The following ST3GAL3 variants were observed in gnomAD, a reference collection of about 807,000 sequenced individuals.
The protein encoded by ST3GAL3 is ST3 beta-galactoside alpha-2,3-sialyltransferase 3.
A neutral mutation model predicts 50.1 loss-of-function variants in ST3GAL3; 21 were observed. The ratio of observed to expected loss-of-function variants is 0.42; its 90% CI spans 0.30 to 0.60. ST3GAL3 has a LOEUF of 0.60. Among genes scored for constraint, ST3GAL3 ranks in the 20% least tolerant of loss-of-function variants. ST3GAL3 has a pLI of 0.19. For synonymous variants in ST3GAL3, 183 were observed against 190.0 expected (o/e 0.96, Z 0.30); for missense variants, 353 against 489.4 (o/e 0.72, Z 2.63).
At chr1:43,841,843 A>G (rs931872254) in intron 5 of ST3GAL3, 4 of 152,126 alleles carry the variant, frequency 2.6e-5, no homozygotes, top group Admixed American at 6.5e-5. Flanking sequence ...AATTTTCCCA[A>G]TTTTTATGCT....
intron 1 of ST3GAL3, among the ~76,000 whole-genome samples, chr1:43,726,735 C>T (rs777332206): frequency 4.6e-5 from 7 of 152,206 alleles, no homozygotes; most frequent in Non-Finnish European, 8.8e-5. Context: ...GCTGAGATTA[C>T]AGGTGGGTGC....
chr1:43,800,015 C>T (rs2059139467), intron 3 of ST3GAL3, among the ~76,000 whole-genome samples: 1 of 152,104 alleles, frequency 6.6e-6, no homozygotes, highest in Admixed American at 6.5e-5. Flanking sequence ...GCTTCCAGGG[C>T]TCCTTCTGTA....
At chr1:43,819,893 AT>A (rs1452603466) in intron 4 of ST3GAL3, among the ~76,000 whole-genome samples, 3 of 152,252 alleles carry the variant, frequency 2.0e-5, no homozygotes, top group Admixed American at 6.5e-5. Context: ...TTCTGTGTTA[AT>A]TTGTTTAGGG....
intron 11 of ST3GAL3, chr1:43,922,306 A>C (rs989467400): frequency 6.6e-6 from 1 of 152,310 alleles, no homozygotes. Context: ...GTTCAAGACC[A>C]GCCTGGCCAA....
intron 4 of ST3GAL3, among the ~76,000 whole-genome samples, chr1:43,831,362 G>A (rs889161875): frequency 1.1e-4 from 16 of 152,238 alleles, no homozygotes; most frequent in African/African-American, 3.9e-4. Flanking sequence ...ATGGGTCCAT[G>A]TATGATATAT....
intron 2 of ST3GAL3, chr1:43,743,335 TA>T: frequency 5.3e-6 from 1 of 188,868 alleles, no homozygotes; most frequent in Non-Finnish European, 1.1e-5. Flanking sequence ...AATCTAAAAA[TA>T]AGGAGAGGCT....
At position 43,931,149 on chromosome 1, in the gene ST3GAL3, C is replaced by G. The variant is rs1027438469; in HGVS notation, c.*928C>G. 2.0e-5 allele frequency: 3 copies of G among 152,738 alleles called. No homozygotes were observed. Among genetic ancestry groups the G allele is most frequent in the Non-Finnish European group, 2.9e-5 (2 of 68,108 alleles). 9.5% of individuals were successfully genotyped at this position (152,738 alleles called of 1,614,324 possible). ...GGCCACCCCCATGGAAGCAATAAAG[C>G]TCTTCCCTGAGCCTGGCCTCTTTTT... On this transcript the variant is annotated 3_prime_UTR_variant, in exon 12 of 12. Coordinates refer to ENST00000347631, the MANE Select transcript of ST3GAL3 (RefSeq NM_006279.5).
chr1:43,775,287 G>GCACT (rs1350219620), intron 2 of ST3GAL3, among the ~76,000 whole-genome samples: 1 of 151,164 alleles, frequency 6.6e-6, no homozygotes, highest in Non-Finnish European at 1.5e-5. Flanking sequence ...AGGCTGGAGT[G>GCACT]GAATGGTATG....
chr1:43,853,335 A>G (rs2906468), intron 5 of ST3GAL3, among the ~76,000 whole-genome samples: 91,453 of 152,088 alleles, frequency 0.6, 31,446 homozygotes, highest in Non-Finnish European at 0.78. Context: ...ATCAGGTCCC[A>G]TGCTGAGATT....
intron 2 of ST3GAL3, among the ~76,000 whole-genome samples, chr1:43,770,285 T>C (rs1263956181): frequency 3.6e-5 from 4 of 112,142 alleles, no homozygotes; most frequent in Non-Finnish European, 7.4e-5. Context: ...GAGAGGGGAA[T>C]GAGTAGGGGA....
At chr1:43,909,343 C>T (rs1302450686) in intron 9 of ST3GAL3, among the ~76,000 whole-genome samples, 2 of 152,222 alleles carry the variant, frequency 1.3e-5, no homozygotes, top group African/African-American at 4.8e-5. Flanking sequence ...CAGGGCATCT[C>T]TTTCCTCTTA....
intron 3 of ST3GAL3, among the ~76,000 whole-genome samples, chr1:43,803,439 G>C (rs1195644837): frequency 6.6e-6 from 1 of 151,772 alleles, no homozygotes; most frequent in Admixed American, 6.6e-5. Context: ...ATGTCTGTTA[G>C]TTTAAATTTA....
intron 5 of ST3GAL3, among the ~76,000 whole-genome samples, chr1:43,871,239 G>A (rs1169834383): frequency 1.3e-5 from 2 of 152,210 alleles, no homozygotes; most frequent in Admixed American, 1.3e-4. Context: ...TTGGAATGAG[G>A]TGGCCAAAGT....
intron 9 of ST3GAL3, among the ~76,000 whole-genome samples, chr1:43,908,583 A>G (rs1383851208): frequency 6.7e-6 from 1 of 150,294 alleles, no homozygotes; most frequent in African/African-American, 2.5e-5. Flanking sequence ...ACAGCACAGA[A>G]CTCCATGATC....
chr1:43,793,853 C>T lies in ST3GAL3; in HGVS notation c.166+1704C>T, dbSNP rs138009846. Among the ~76,000 whole-genome samples the T allele has an allele frequency of 5.0e-3, 761 of 152,196 alleles. 4 individuals carry two copies. The highest frequency in any genetic ancestry group is 0.017 in the African/African-American group (688 of 41,526). ...ATCTCAGCACTTTGGGAGGCTGAGA[C>T]AGGAGGACAGCTTGAGGCCAGGAAT... On this transcript the variant is annotated intron_variant, in intron 3 of 11. Transcript: ENST00000347631.
chr1:43,726,699 A>T (rs1331387167), intron 1 of ST3GAL3, among the ~76,000 whole-genome samples: 1 of 152,164 alleles, frequency 6.6e-6, no homozygotes, highest in Non-Finnish European at 1.5e-5. Flanking sequence ...AGTTCAAGCA[A>T]TTCTTCTGCC....
intron 5 of ST3GAL3, among the ~76,000 whole-genome samples, chr1:43,883,445 A>G (rs2075483266): frequency 6.6e-6 from 1 of 152,264 alleles, no homozygotes; most frequent in South Asian, 2.1e-4. Flanking sequence ...ACGTGCCAAC[A>G]AGAAAGAGCA....
Position 43,856,080 on chromosome 1 carries a change from AC to A in ST3GAL3, c.302+17770del, listed in dbSNP as rs77426375. 4.6e-5 allele frequency among the ~76,000 whole-genome samples: 7 copies of A among 152,362 alleles called. No individual in the cohort carries two copies. The East Asian group carries it at 1.3e-3, about 29-fold the overall frequency. On this transcript the variant is annotated intron_variant, in intron 5 of 11. Coordinates refer to ENST00000347631, the MANE Select transcript of ST3GAL3 (RefSeq NM_006279.5). ...TGTGACAGACATCTGAAATACCATG[AC>A]TGATCTCGTCACATTCTTTTATCAA...
rs904764707 is a variant in ST3GAL3, at chr1:43,736,353, C to T, written c.91C>T (p.His31Tyr). The change falls in exon 2 of 12, where the codon CAC (histidine) becomes TAC (tyrosine). Residue 31 changes from histidine to tyrosine, a missense_variant. Transcript: ENST00000347631. Reference sequence around the variant, plus strand: ...TTTGTATTATTCTGCGTGGAAGCTACACTTACTCCAGTGGGAGGAGGACTC... The same window carrying T: ...TTTGTATTATTCTGCGTGGAAGCTATACTTACTCCAGTGGGAGGAGGACTC... ...GFLYYSAWKL[H>Y]LLQWEEDSNS... 3 of 1,614,162 alleles carry T rather than the reference C, an allele frequency of 1.9e-6. No homozygotes were observed. The highest frequency in any genetic ancestry group is 1.6e-4 in the Middle Eastern group (1 of 6,062).
Sources: allele counts gnomAD v4.1 joint callset (sites outside exome capture counted in the v4.1 genomes callset), GRCh38; gene constraint gnomAD v4.1.1; transcripts MANE v1.5; gene names NCBI Gene and HGNC (gene_info 2026-07-23, HGNC 2026-07-21).